Variants in LRRC7 observed in about 807,000 individuals in gnomAD.
LRRC7 encodes leucine-rich repeat-containing protein 7.
In LRRC7, 23 loss-of-function variants were observed where a neutral mutation model predicts 175.7. The ratio of observed to expected loss-of-function variants is 0.13; its 90% CI spans 0.09 to 0.19. LRRC7 has a LOEUF of 0.19. Among genes scored for constraint, LRRC7 ranks in the 10% least tolerant of loss-of-function variants. LRRC7 has a pLI of 1.00. For missense variants in LRRC7, 1,354 were observed against 1,904.7 expected, an observed-to-expected ratio of 0.71 and a Z score of 5.38; for synonymous variants, 685 against 680.9, an observed-to-expected ratio of 1.01 and a Z score of -0.09.
At chr1:69,896,971 G>A (rs1440925621) in intron 7 of LRRC7, among the ~76,000 whole-genome samples, 1 of 152,076 alleles carries the variant, frequency 6.6e-6, no homozygotes, top group Non-Finnish European at 1.5e-5. Flanking sequence ...TATTGACTAG[G>A]TTTTGTGATA....
intron 7 of LRRC7, among the ~76,000 whole-genome samples, chr1:69,915,700 T>C (rs2101715924): frequency 6.6e-6 from 1 of 152,126 alleles, no homozygotes; most frequent in African/African-American, 2.4e-5. Context: ...CACTTATAAA[T>C]CCTTGGAAAA....
At chr1:69,926,865 T>G (rs921706064) in intron 7 of LRRC7, among the ~76,000 whole-genome samples, 5 of 152,310 alleles carry the variant, frequency 3.3e-5, no homozygotes, top group East Asian at 1.9e-4. Context: ...GTTAGCTGGT[T>G]ATTTTGCTCA....
At chr1:69,621,578 T>A (rs1011186494) in intron 1 of LRRC7, among the ~76,000 whole-genome samples, 9 of 152,208 alleles carry the variant, frequency 5.9e-5, no homozygotes, top group Non-Finnish European at 1.3e-4. Flanking sequence ...AATAATCACA[T>A]GCGATCTCTT....
In LRRC7 at chr1:69,799,460, A is replaced by G. The variant is rs1024047588; in HGVS notation, c.421+7300A>G. Among the ~76,000 whole-genome samples, 46 of 152,076 alleles carry G rather than the reference A, an allele frequency of 3.0e-4. 1 individual carries two copies. The highest frequency in any genetic ancestry group is 8.8e-5 in the Non-Finnish European group (6 of 67,966). ...CTGCTTATAAGCCAGAACATGCAAT[A>G]TTTGACTTTCTGTCTCTGAGTTGTT... is the stretch of plus-strand genomic sequence containing the variant. On this transcript the variant is annotated intron_variant, in intron 4 of 26. Transcript: ENST00000651989.
At chr1:69,691,851 C>G (rs1661929244) in intron 2 of LRRC7, among the ~76,000 whole-genome samples, 1 of 146,844 alleles carries the variant, frequency 6.8e-6, no homozygotes, top group Non-Finnish European at 1.5e-5. Flanking sequence ...TGATTTAAGC[C>G]ACAGTAGTTG....
At chr1:70,107,870 A>G (rs1226804270) in intron 26 of LRRC7, 44 bp downstream of exon 26, 3 of 1,430,900 alleles carry the variant, frequency 2.1e-6, no homozygotes, top group South Asian at 2.3e-5. Context: ...ATACTGAGAC[A>G]AATATGTAAC....
chr1:69,607,109 GT>G (rs1553124443), intron 1 of LRRC7: 1 of 152,076 alleles, frequency 6.6e-6, no homozygotes, highest in Non-Finnish European at 1.5e-5. Context: ...GCGAATTTTT[GT>G]TGGTTTGGAA....
At chr1:70,026,556 C>A (rs1157220539) in intron 17 of LRRC7, among the ~76,000 whole-genome samples, 1 of 151,838 alleles carries the variant, frequency 6.6e-6, no homozygotes, top group African/African-American at 2.4e-5. Context: ...AATTAAGTAC[C>A]CTGGGACTTA....
At chr1:69,882,483 A>G (rs527502402) in intron 7 of LRRC7, among the ~76,000 whole-genome samples, 1 of 152,338 alleles carries the variant, frequency 6.6e-6, no homozygotes, top group South Asian at 2.1e-4. Context: ...ATGAATGGAT[A>G]AAGAAATTGC....
At chr1:69,910,795 C>A (rs1457111479) in intron 7 of LRRC7, among the ~76,000 whole-genome samples, 4 of 152,200 alleles carry the variant, frequency 2.6e-5, no homozygotes, top group African/African-American at 4.8e-5. Context: ...GCCCTGCCCC[C>A]AGAGGTGGAG....
chr1:69,904,443 C>T (rs76407803), intron 7 of LRRC7, among the ~76,000 whole-genome samples: 2,247 of 152,000 alleles, frequency 0.015, 17 homozygotes, highest in Middle Eastern at 0.024. Context: ...CTGATATCCA[C>T]AGAATAATTG....
intron 1 of LRRC7, among the ~76,000 whole-genome samples, chr1:69,619,895 T>G (rs1412504825): frequency 6.6e-6 from 1 of 152,142 alleles, no homozygotes; most frequent in Non-Finnish European, 1.5e-5. Context: ...TATGTATTAG[T>G]AAACAGTCCA....
rs59212223 is a variant in LRRC7, at chr1:69,600,800, C to CTTTTTTTTTTTTTTT, written c.2+32173_2+32187dup. On this transcript the variant is annotated intron_variant, in intron 1 of 26. Transcript: ENST00000651989. ...CCATTTCTCCAAGGATCTCTGGTTT[C>CTTTTTTTTTTTTTTT]TTTTTTTTTTTTTTTTTTTTTTTTT... Among the ~76,000 whole-genome samples, 12 of 64,898 alleles carry CTTTTTTTTTTTTTTT rather than the reference C, an allele frequency of 1.8e-4. 3 individuals are homozygous for CTTTTTTTTTTTTTTT. Among genetic ancestry groups the CTTTTTTTTTTTTTTT allele is most frequent in the Non-Finnish European group, 2.2e-4 (8 of 36,256 alleles). 42.6% of individuals were successfully genotyped at this position (64,898 alleles called of 152,430 possible). A position where few individuals can be genotyped will look rare whatever the true frequency, so the allele number is the denominator to read the frequency against.
chr1:69,811,947 G>A lies in LRRC7; in HGVS notation c.422-13801G>A, dbSNP rs988343078. Among the ~76,000 whole-genome samples the A allele has an allele frequency of 3.9e-5, 6 of 152,000 alleles. No homozygotes were observed. In the South Asian group the frequency reaches 1.2e-3, roughly 32 times the overall value. ...AAAATTTTTAAAAAAAGAGTACAAA[G>A]ACTATGAACTAAGTTTCCAGTGCTT... On this transcript the variant is annotated intron_variant, in intron 4 of 26. Transcript: ENST00000651989.
At chr1:70,082,781 AT>A (rs1172403797) in intron 24 of LRRC7, among the ~76,000 whole-genome samples, 2,263 of 52,112 alleles carry the variant, frequency 0.043, 709 homozygotes, top group African/African-American at 0.13. Flanking sequence ...ATACCAGTAC[AT>A]TTTTTTTTTT....
intron 2 of LRRC7, among the ~76,000 whole-genome samples, chr1:69,751,507 G>A (rs955282266): frequency 6.6e-6 from 1 of 152,076 alleles, no homozygotes; most frequent in Admixed American, 6.6e-5. Context: ...AGGACTGCAA[G>A]TACAGAATTA....
chr1:69,744,724 A>G (rs530198025), intron 2 of LRRC7, among the ~76,000 whole-genome samples: 49 of 151,894 alleles, frequency 3.2e-4, no homozygotes, highest in Non-Finnish European at 3.8e-4. Flanking sequence ...TTTCAAGCCC[A>G]CTCAATGGAA....
chr1:69,911,276 C>T (rs1176556426), intron 7 of LRRC7, among the ~76,000 whole-genome samples: 1 of 152,224 alleles, frequency 6.6e-6, no homozygotes, highest in Non-Finnish European at 1.5e-5. Flanking sequence ...GCAGAAATCA[C>T]CCATCTTCTG....
chr1:69,889,331 C>A (rs1021330971), intron 7 of LRRC7, among the ~76,000 whole-genome samples: 2 of 152,178 alleles, frequency 1.3e-5, no homozygotes, highest in African/African-American at 4.8e-5. Flanking sequence ...GCTAAGATTT[C>A]TCTGTAGCAT....
Sources: gnomAD v4.1 joint callset for allele counts (sites outside exome capture counted in the v4.1 genomes callset) on GRCh38, gnomAD v4.1.1 for gene constraint, MANE v1.5 for transcripts, NCBI Gene and HGNC (gene_info 2026-07-23, HGNC 2026-07-21) for gene names.